ZNF804A: variants seen among roughly 807,000 people sequenced by gnomAD.
ZNF804A encodes the protein zinc finger protein 804A.
A neutral mutation model predicts 16.5 loss-of-function variants in ZNF804A; 2 were observed. That is an observed-to-expected ratio of 0.12 (90% CI 0.05 to 0.38). The LOEUF (loss-of-function observed/expected upper bound fraction) is 0.38. ZNF804A is among the 10% of genes least tolerant of loss of function. The pLI is 0.99. For missense variants in ZNF804A, 1,473 were observed against 1,390.7 expected, an observed-to-expected ratio of 1.06 and a Z score of -0.94; for synonymous variants, 534 against 489.6, an observed-to-expected ratio of 1.09 and a Z score of -1.20.
intron 1 of ZNF804A, among the ~76,000 whole-genome samples, chr2:184,673,795 A>G (rs933777265): frequency 6.6e-6 from 1 of 152,212 alleles, no homozygotes; most frequent in Non-Finnish European, 1.5e-5. Context: ...AGGAAAATAA[A>G]TGACTTTATT....
intron 1 of ZNF804A, among the ~76,000 whole-genome samples, chr2:184,787,077 T>A (rs1344690513): frequency 6.6e-6 from 1 of 151,982 alleles, no homozygotes; most frequent in Non-Finnish European, 1.5e-5. Context: ...TTGATCGTTG[T>A]ACCCAATAGG....
At chr2:184,884,587 T>C (rs531277011) in intron 2 of ZNF804A, among the ~76,000 whole-genome samples, 2 of 152,158 alleles carry the variant, frequency 1.3e-5, no homozygotes, top group South Asian at 4.1e-4. Flanking sequence ...AGCACCATGG[T>C]ACTGATACAA....
At chr2:184,769,855 A>G (rs1245568821) in intron 1 of ZNF804A, among the ~76,000 whole-genome samples, 1 of 152,138 alleles carries the variant, frequency 6.6e-6, no homozygotes, top group Non-Finnish European at 1.5e-5. Context: ...CAAGTAAGAT[A>G]TCATTATTAA....
intron 1 of ZNF804A, among the ~76,000 whole-genome samples, chr2:184,832,191 G>A (rs1030187252): frequency 1.3e-5 from 2 of 151,940 alleles, no homozygotes; most frequent in Non-Finnish European, 2.9e-5. Context: ...TCGAAGGCCT[G>A]TAACAACTTG....
At chr2:184,933,291 G>C (rs1685733753) in intron 2 of ZNF804A, among the ~76,000 whole-genome samples, 1 of 152,016 alleles carries the variant, frequency 6.6e-6, no homozygotes, top group Non-Finnish European at 1.5e-5. Context: ...GATTTATAAG[G>C]CACGAATCCT....
intron 1 of ZNF804A, among the ~76,000 whole-genome samples, chr2:184,839,149 A>G (rs1392649878): frequency 6.6e-6 from 1 of 152,100 alleles, no homozygotes; most frequent in African/African-American, 2.4e-5. Flanking sequence ...AACCTAACCT[A>G]AACTGCCACA....
intron 2 of ZNF804A, among the ~76,000 whole-genome samples, chr2:184,929,116 C>T (rs1007821813): frequency 6.6e-6 from 1 of 152,150 alleles, no homozygotes; most frequent in African/African-American, 2.4e-5. Context: ...TACCATCTAG[C>T]CTCTCCTCTT....
intron 1 of ZNF804A, among the ~76,000 whole-genome samples, chr2:184,694,462 A>G (rs1367986895): frequency 1.3e-5 from 2 of 152,184 alleles, no homozygotes; most frequent in African/African-American, 2.4e-5. Flanking sequence ...TACTTTTGGT[A>G]TATAACATAC....
intron 1 of ZNF804A, among the ~76,000 whole-genome samples, chr2:184,840,386 A>G (rs1471499272): frequency 1.3e-5 from 2 of 152,172 alleles, no homozygotes; most frequent in Non-Finnish European, 2.9e-5. Flanking sequence ...TCTGTCTCAA[A>G]ACAAAAAAAA....
At chr2:184,801,334 T>C (rs1694724011) in intron 1 of ZNF804A, among the ~76,000 whole-genome samples, 1 of 152,194 alleles carries the variant, frequency 6.6e-6, no homozygotes, top group Non-Finnish European at 1.5e-5. Context: ...ATTTGTTATC[T>C]GTCAAAATTT....
chr2:184,794,161 C>A (rs953768906), intron 1 of ZNF804A, among the ~76,000 whole-genome samples: 2 of 152,058 alleles, frequency 1.3e-5, no homozygotes, highest in Non-Finnish European at 2.9e-5. Flanking sequence ...TTTTCCATAG[C>A]GGTTGTACTA....
intron 1 of ZNF804A, among the ~76,000 whole-genome samples, chr2:184,679,120 A>G (rs1692490463): frequency 6.6e-6 from 1 of 152,254 alleles, no homozygotes; most frequent in Non-Finnish European, 1.5e-5. Context: ...AATGAATCCC[A>G]CAGAATAGAA....
Position 184,858,286 on chromosome 2 carries a change from C to T in ZNF804A, c.112-8083C>T, listed in dbSNP as rs922840079. Among the ~76,000 whole-genome samples, 3 of 151,916 alleles carry T rather than the reference C, an allele frequency of 2.0e-5. No homozygotes were observed. In the East Asian group the frequency reaches 5.8e-4, roughly 30 times the overall value. On this transcript the variant is annotated intron_variant, in intron 1 of 3. Transcript: ENST00000302277. ...TGGGAGGCCGAGGCAGGTGGATCAC[C>T]TGAGGTCTGGAGTTCAAGACCAACC...
intron 1 of ZNF804A, among the ~76,000 whole-genome samples, chr2:184,865,596 A>C (rs1399243854): frequency 6.6e-6 from 1 of 152,166 alleles, no homozygotes; most frequent in Admixed American, 6.5e-5. Context: ...ATGTAACTTA[A>C]AATCCACAGT....
chr2:184,654,208 C>A (rs1692038771), intron 1 of ZNF804A, among the ~76,000 whole-genome samples: 1 of 152,218 alleles, frequency 6.6e-6, no homozygotes, highest in African/African-American at 2.4e-5. Flanking sequence ...TTGTGTTTGA[C>A]AGAGACACAA....
chr2:184,716,021 C>T (rs1447071695), intron 1 of ZNF804A, among the ~76,000 whole-genome samples: 1 of 152,100 alleles, frequency 6.6e-6, no homozygotes, highest in Non-Finnish European at 1.5e-5. Context: ...ATGAGCCCAA[C>T]CAAAATCCAT....
intron 1 of ZNF804A, among the ~76,000 whole-genome samples, chr2:184,855,218 A>C (rs1282849227): frequency 6.6e-6 from 1 of 152,108 alleles, no homozygotes; most frequent in African/African-American, 2.4e-5. Context: ...GTAGGCATGC[A>C]TAAGTGTAAA....
At chr2:184,853,521 T>C (rs1171132853) in intron 1 of ZNF804A, among the ~76,000 whole-genome samples, 1 of 151,894 alleles carries the variant, frequency 6.6e-6, no homozygotes, top group East Asian at 1.9e-4. Flanking sequence ...AGTATGATGT[T>C]AGCTTTGAGT....
At chr2:184,665,101 CAA>C (rs1692236498) in intron 1 of ZNF804A, among the ~76,000 whole-genome samples, 1 of 152,066 alleles carries the variant, frequency 6.6e-6, no homozygotes, top group African/African-American at 2.4e-5. Context: ...AATATTTACA[CAA>C]AGACAAACAC....
Sources: allele counts gnomAD v4.1 joint callset (sites outside exome capture counted in the v4.1 genomes callset), GRCh38; gene constraint gnomAD v4.1.1; transcripts MANE v1.5; gene names NCBI Gene and HGNC (gene_info 2026-07-23, HGNC 2026-07-21).